Variants in NHERF2 observed in about 807,000 individuals in gnomAD.
The protein encoded by NHERF2 is Na(+)/H(+) exchange regulatory cofactor NHE-RF2.
At chr16:2,031,407 C>G in the NHERF2 span, among the ~76,000 whole-genome samples, 1 of 152,200 alleles carries the variant, frequency 6.6e-6, no homozygotes, top group African/African-American at 2.4e-5. Context: ...GAAGCTCCCC[C>G]TCTGCCTCAG....
At chr16:2,037,042 G>A in the NHERF2 span, 2 of 1,546,176 alleles carry the variant, frequency 1.3e-6, no homozygotes, top group Admixed American at 2.0e-5. Context: ...GCCTCTGGGG[G>A]TACCCAGGCC....
the NHERF2 span, among the ~76,000 whole-genome samples, chr16:2,031,787 GTTC>G: frequency 6.6e-6 from 1 of 152,142 alleles, no homozygotes; most frequent in Non-Finnish European, 1.5e-5. Flanking sequence ...CGCTGTCTGG[GTTC>G]AAGCGATTCT....
the NHERF2 span, chr16:2,027,237 C>T: frequency 1.6e-6 from 2 of 1,260,726 alleles, no homozygotes. Context: ...CAGCGCTCGC[C>T]CCCGGCCCGC....
the NHERF2 span, chr16:2,035,772 A>C: frequency 1.3e-6 from 1 of 768,884 alleles, no homozygotes; most frequent in Non-Finnish European, 1.6e-6. Flanking sequence ...TGTCCACACT[A>C]AGCTCCTGCC....
the NHERF2 span, chr16:2,037,485 T>A: frequency 6.8e-7 from 1 of 1,465,686 alleles, no homozygotes; most frequent in Admixed American, 1.9e-5. Context: ...CATGTGTGCG[T>A]GTGCAGGTGT....
chr16:2,038,067 C>G, the NHERF2 span: 3 of 1,520,276 alleles, frequency 2.0e-6, no homozygotes, highest in South Asian at 1.2e-5. Flanking sequence ...CCCCCAGCCT[C>G]AGTGGACTGG....
At chr16:2,029,603 G>A in the NHERF2 span, 2 of 1,578,974 alleles carry the variant, frequency 1.3e-6, no homozygotes, top group South Asian at 1.2e-5. Flanking sequence ...GATCAAGGCT[G>A]TGGAGGGGCA....
chr16:2,038,051 C>T, the NHERF2 span: 17 of 1,575,228 alleles, frequency 1.1e-5, no homozygotes, highest in African/African-American at 2.7e-5. Flanking sequence ...CAGCCTGCCC[C>T]GAGCTCCCCC....
chr16:2,037,031 T>C, the NHERF2 span: 1 of 1,548,340 alleles, frequency 6.5e-7, no homozygotes, highest in Non-Finnish European at 8.7e-7. Flanking sequence ...AGACACAGGG[T>C]GCCTCTGGGG....
the NHERF2 span, chr16:2,027,023 G>T: frequency 2.5e-6 from 3 of 1,200,436 alleles, no homozygotes; most frequent in Non-Finnish European, 3.1e-6. Context: ...CGCCGGAGCC[G>T]CTGCGGCCGC....
chr16:2,034,798 C>T, the NHERF2 span, among the ~76,000 whole-genome samples: 2 of 148,292 alleles, frequency 1.3e-5, no homozygotes, highest in East Asian at 4.1e-4. Context: ...CCCTCCCGAA[C>T]TGGACTCCTG....
At chr16:2,027,368 CG>C in the NHERF2 span, 1 of 368,634 alleles carries the variant, frequency 2.7e-6, no homozygotes, top group Admixed American at 4.9e-5. Context: ...TTCGGAGTCC[CG>C]GCGCAGGAAG....
chr16:2,033,212 C>T, the NHERF2 span: 8 of 1,486,958 alleles, frequency 5.4e-6, no homozygotes, highest in Non-Finnish European at 5.4e-6. Context: ...CAGAGTGACT[C>T]AGCCCCCACG....
At chr16:2,027,403 G>A in the NHERF2 span, among the ~76,000 whole-genome samples, 3 of 152,214 alleles carry the variant, frequency 2.0e-5, no homozygotes, top group Non-Finnish European at 2.9e-5. Context: ...GGGGGTGGGG[G>A]GGGGCATCCT....
chr16:2,036,642 G>A, the NHERF2 span: 1 of 1,566,590 alleles, frequency 6.4e-7, no homozygotes, highest in East Asian at 2.3e-5. Context: ...CGGTGGCTGT[G>A]ATGAATATTT....
At chr16:2,037,268 G>A in the NHERF2 span, among the ~76,000 whole-genome samples, 1 of 152,180 alleles carries the variant, frequency 6.6e-6, no homozygotes. Flanking sequence ...TGCCTCCTCA[G>A]GGAGCTGGCG....
the NHERF2 span, chr16:2,038,253 C>CAGAG: frequency 3.4e-6 from 2 of 579,752 alleles, no homozygotes; most frequent in Non-Finnish European, 6.2e-6. Flanking sequence ...CAGAGAGAGA[C>CAGAG]AGAGAGAGAG....
the NHERF2 span, chr16:2,038,215 C>A: frequency 1.7e-6 from 1 of 597,946 alleles, no homozygotes; most frequent in Non-Finnish European, 3.0e-6. Context: ...GAGTCAGAGA[C>A]AGAGACAGAG....
the NHERF2 span, chr16:2,037,674 T>G: frequency 6.4e-7 from 1 of 1,572,380 alleles, no homozygotes; most frequent in East Asian, 2.4e-5. Flanking sequence ...TGTGGAGATG[T>G]CAGCCCGGGC....
Sources: gnomAD v4.1 joint callset for allele counts (sites outside exome capture counted in the v4.1 genomes callset) on GRCh38, gnomAD v4.1.1 for gene constraint, MANE v1.5 for transcripts, NCBI Gene and HGNC (gene_info 2026-07-23, HGNC 2026-07-21) for gene names.